The following LOXHD1 variants were observed in gnomAD, a reference collection of about 807,000 sequenced individuals.
LOXHD1 encodes lipoxygenase homology PLAT domains 1, also known as lipoxygenase homology domain-containing protein 1.
LOXHD1 carries 205 observed loss-of-function variants against 248.2 expected under a neutral mutation model. That is an observed-to-expected ratio of 0.83 (90% confidence interval 0.74 to 0.93). The LOEUF is 0.93. Among genes scored for constraint, LOXHD1 ranks in the 40% least tolerant of loss-of-function variants. LOXHD1 has a pLI of 0.00. For missense variants in LOXHD1, 2,930 were observed against 2,971.6 expected (o/e 0.99, Z 0.33); for synonymous variants, 1,113 against 1,162.8 (o/e 0.96, Z 0.87).
chr18:46,492,919 T>C (rs950044576), intron 37 of LOXHD1, among the ~76,000 whole-genome samples: 4 of 152,240 alleles, frequency 2.6e-5, no homozygotes, highest in Non-Finnish European at 4.4e-5. Flanking sequence ...TATAATATCC[T>C]TCCAAATGCA....
At chr18:46,633,675 A>G (rs1399936093) in intron 4 of LOXHD1, among the ~76,000 whole-genome samples, 2 of 152,258 alleles carry the variant, frequency 1.3e-5, no homozygotes. Flanking sequence ...AACAGAGTAA[A>G]AAGACAACTC....
Position 46,560,506 on chromosome 18 carries a change from G to T in LOXHD1, c.2638C>A (p.Leu880Ile), listed in dbSNP as rs996093971. 3 of 1,536,974 alleles carry T rather than the reference G, an allele frequency of 2.0e-6. No individual in the cohort carries two copies. Among genetic ancestry groups the T allele is most frequent in the Non-Finnish European group, 1.7e-6 (2 of 1,146,394 alleles). ...CCAAAGCCCTCGCCCGTGTGCCCGA[G>T]CCGGAGCTTATAGACCTCGCCCACG... ...ADVGEVYKLR[L>I]GHTGEGFGPS... The change falls in exon 19 of 41, where the codon CTC becomes ATC. Residue 880 changes from leucine to isoleucine, a missense_variant. By Grantham distance (5) the Leu-to-Ile change is conservative (BLOSUM62 2). Transcript: ENST00000642948.
intron 13 of LOXHD1, among the ~76,000 whole-genome samples, chr18:46,578,755 C>T (rs146073394): frequency 6.6e-6 from 1 of 152,380 alleles, no homozygotes; most frequent in East Asian, 1.9e-4. Context: ...GCAACAACGA[C>T]TCTGTACTCA....
chr18:46,647,438 AG>A (rs1210426395), intron 2 of LOXHD1, among the ~76,000 whole-genome samples: 1 of 152,218 alleles, frequency 6.6e-6, no homozygotes, highest in East Asian at 1.9e-4. Context: ...CCACCATCAA[AG>A]GAGAAAAGGA....
At chr18:46,537,547 G>C (rs557601088) in intron 26 of LOXHD1, among the ~76,000 whole-genome samples, 2 of 152,250 alleles carry the variant, frequency 1.3e-5, no homozygotes, top group Non-Finnish European at 2.9e-5. Context: ...CCAACCTAGT[G>C]CACAGCTGAG....
At chr18:46,501,278 G>A (rs766830565) in intron 37 of LOXHD1, among the ~76,000 whole-genome samples, 3 of 152,224 alleles carry the variant, frequency 2.0e-5, no homozygotes, top group Non-Finnish European at 4.4e-5. Context: ...GTTCTCAGAT[G>A]AGGCTGAACA....
chr18:46,515,424 A>G (rs2035197994), intron 34 of LOXHD1, among the ~76,000 whole-genome samples: 1 of 152,166 alleles, frequency 6.6e-6, no homozygotes, highest in Admixed American at 6.5e-5. Context: ...AACCAGGGTA[A>G]TCAAGAAATG....
intron 25 of LOXHD1, among the ~76,000 whole-genome samples, chr18:46,540,662 T>TC: frequency 6.9e-6 from 1 of 144,740 alleles, no homozygotes; most frequent in Non-Finnish European, 1.5e-5. Flanking sequence ...ATCTTTTTTT[T>TC]TTTTTTTTTT....
At chr18:46,525,511 C>A (rs2035789091) in intron 29 of LOXHD1, among the ~76,000 whole-genome samples, 1 of 151,996 alleles carries the variant, frequency 6.6e-6, no homozygotes, top group African/African-American at 2.4e-5. Context: ...ATCTGGGATG[C>A]AGGCTCAAGG....
chr18:46,484,704 C>T (rs1050853264), intron 39 of LOXHD1, among the ~76,000 whole-genome samples: 11 of 152,080 alleles, frequency 7.2e-5, no homozygotes, highest in African/African-American at 2.2e-4. Flanking sequence ...AGTGGGCATC[C>T]GAACAGTTCA....
chr18:46,509,193 A>G (rs182736776), intron 35 of LOXHD1, among the ~76,000 whole-genome samples: 3 of 152,270 alleles, frequency 2.0e-5, no homozygotes, highest in Admixed American at 1.3e-4. Context: ...CTTCAGCCCA[A>G]CTGAGAGCTT....
rs548367057 is a variant in LOXHD1, at chr18:46,601,995, G to A, written c.884-528C>T. Among the ~76,000 whole-genome samples the A allele has an allele frequency of 5.3e-5, 8 of 152,292 alleles. No homozygotes were observed. In the South Asian group the frequency reaches 1.5e-3, roughly 28 times the overall value. ...TTTGCTGCCTGATGTGGTAGGGTGA[G>A]GAGGATTGAGGGAGAGAGAGAACAT... On this transcript the variant is annotated intron_variant, in intron 7 of 40. Transcript: ENST00000642948.
At chr18:46,606,835 G>C (rs1413422069) in intron 6 of LOXHD1, among the ~76,000 whole-genome samples, 4 of 152,138 alleles carry the variant, frequency 2.6e-5, no homozygotes, top group Non-Finnish European at 5.9e-5. Context: ...GGTTTAATAA[G>C]TCATGGTAGA....
At chr18:46,574,152 A>G (rs2037808823) in intron 14 of LOXHD1, among the ~76,000 whole-genome samples, 1 of 152,026 alleles carries the variant, frequency 6.6e-6, no homozygotes, top group Non-Finnish European at 1.5e-5. Flanking sequence ...TTCATTCTCC[A>G]CCACTTATCC....
At chr18:46,509,956 C>T (rs570016214) in intron 34 of LOXHD1, 141 bp from the exon 35 acceptor site, 1 of 667,780 alleles carries the variant, frequency 1.5e-6, no homozygotes, top group African/African-American at 1.8e-5. Context: ...AGCAACTCTC[C>T]ACCAGCCCAT....
intron 21 of LOXHD1, chr18:46,556,567 C>T (rs2037339420): frequency 6.1e-6 from 1 of 163,216 alleles, no homozygotes. Flanking sequence ...GGCAACACAG[C>T]CAGCCCACCC....
rs559402840 is a variant in LOXHD1, at chr18:46,594,340, G to T, written c.1261C>A (p.Arg421=). 3.2e-6 allele frequency: 5 copies of T among 1,551,500 alleles called. No individual in the cohort carries two copies. Among genetic ancestry groups the T allele is most frequent in the Non-Finnish European group, 4.4e-6 (5 of 1,146,970 alleles). ...GGTCTCTCTCACTTACTTTTCAGCC[G>T]CTTCTTCCTGAGAGACACCATCTCA... is the stretch of plus-strand genomic sequence containing the variant. The part of the protein sequence containing the change: ...LYEMVSLRKK[R]LKKFPWSLWV... The change falls in exon 9 of 41, where the codon CGG becomes AGG. Residue 421 remains arginine (R), a synonymous_variant. Transcript: ENST00000642948.
intron 21 of LOXHD1, among the ~76,000 whole-genome samples, chr18:46,553,945 C>A (rs2039839875): frequency 1.3e-5 from 2 of 152,066 alleles, no homozygotes; most frequent in South Asian, 4.2e-4. Flanking sequence ...CAAGGAACAG[C>A]AAGGAGTGAG....
In LOXHD1 at chr18:46,481,880, C is replaced by G. The variant is rs185405993; in HGVS notation, c.6341+1707G>C. On this transcript the variant is annotated intron_variant, in intron 40 of 40. Coordinates refer to ENST00000642948, the MANE Select transcript of LOXHD1 (RefSeq NM_001384474.1). ...AAGGTGCCAGGTGGTGCTGAGAACT[C>G]TCTCTCGGCCAACATTGTGGGTTTA... Among the ~76,000 whole-genome samples the G allele has an allele frequency of 2.0e-5, 3 of 152,316 alleles. No individual in the cohort carries two copies. In the East Asian group the frequency reaches 5.8e-4, roughly 29 times the overall value.
Sources: allele counts gnomAD v4.1 joint callset (sites outside exome capture counted in the v4.1 genomes callset), GRCh38; gene constraint gnomAD v4.1.1; transcripts MANE v1.5; gene names NCBI Gene and HGNC (gene_info 2026-07-23, HGNC 2026-07-21).